The following PPFIBP1 variants were observed in gnomAD, a reference collection of about 807,000 sequenced individuals.
PPFIBP1 encodes PPFIB scaffold protein 1.
PPFIBP1 carries 112 observed loss-of-function variants against 137.8 expected under a neutral mutation model. The ratio of observed to expected loss-of-function variants is 0.81; its 90% CI spans 0.70 to 0.95. The LOEUF is 0.95. PPFIBP1 is among the 40% of genes least tolerant of loss of function. PPFIBP1 has a pLI of 0.00. For synonymous variants in PPFIBP1, 378 were observed against 417.3 expected, an observed-to-expected ratio of 0.91 and a Z score of 1.15; for missense variants, 1,083 against 1,196.6, an observed-to-expected ratio of 0.91 and a Z score of 1.40.
chr12:27,692,710 A>G, intron 29 of PPFIBP1, 54 bp downstream of exon 29: 1 of 1,613,880 alleles, frequency 6.2e-7, no homozygotes, highest in Non-Finnish European at 8.5e-7. Flanking sequence ...TTTTATAACA[A>G]CCCCAAAGGA....
intron 25 of PPFIBP1, 165 bp from the exon 26 acceptor site, chr12:27,688,133 A>G (rs1440485781): frequency 5.0e-6 from 4 of 795,656 alleles, no homozygotes; most frequent in East Asian, 2.5e-5. Context: ...TTATTAGTAT[A>G]TAAGAAAGCT....
At chr12:27,672,806 C>T (rs2060281761) in intron 15 of PPFIBP1, among the ~76,000 whole-genome samples, 1 of 152,026 alleles carries the variant, frequency 6.6e-6, no homozygotes, top group Admixed American at 6.6e-5. Context: ...ATTTTGAGTC[C>T]AGTGGGAAGG....
At chr12:27,564,267 T>C (rs1592498342) in intron 1 of PPFIBP1, among the ~76,000 whole-genome samples, 1 of 152,218 alleles carries the variant, frequency 6.6e-6, no homozygotes, top group Non-Finnish European at 1.5e-5. Context: ...TGAGATAATA[T>C]ATACAGTCCT....
chr12:27,647,802 A>G lies in PPFIBP1; in HGVS notation c.431A>G (p.His144Arg), dbSNP rs755992843. 1.6e-5 allele frequency: 26 copies of G among 1,612,206 alleles called. No homozygotes were observed. ...IRDLEFCLEE[H>R]REKVNATEEM... ...GATTTGGAGTTTTGTCTTGAAGAGC[A>G]CAGAGAGAAGGTGAATGCCACAGAA... is the stretch of plus-strand genomic sequence containing the variant. Residue 144 changes from histidine (H) to arginine (R), a missense_variant, in exon 6 of 30, where the codon CAC (histidine) becomes CGC (arginine). Physicochemically the swap from His to Arg is conservative, Grantham distance 29. Coordinates refer to ENST00000228425, the MANE Select transcript of PPFIBP1 (RefSeq NM_003622.4).
intron 2 of PPFIBP1, among the ~76,000 whole-genome samples, chr12:27,611,449 G>A (rs1417294606): frequency 6.6e-6 from 1 of 151,814 alleles, no homozygotes; most frequent in African/African-American, 2.4e-5. Context: ...CTGGAATTAG[G>A]GCCCATCCGA....
intron 5 of PPFIBP1, among the ~76,000 whole-genome samples, chr12:27,646,711 G>GCT (rs1217407117): frequency 1.3e-5 from 2 of 152,084 alleles, no homozygotes; most frequent in Non-Finnish European, 2.9e-5. Flanking sequence ...AAACAAAACA[G>GCT]TGACTAGAAC....
intron 4 of PPFIBP1, among the ~76,000 whole-genome samples, chr12:27,638,641 G>A (rs1238754381): frequency 6.6e-6 from 1 of 152,196 alleles, no homozygotes; most frequent in African/African-American, 2.4e-5. Context: ...AGAGCATAGA[G>A]AGTAGAGGGA....
intron 2 of PPFIBP1, among the ~76,000 whole-genome samples, chr12:27,599,046 G>A (rs138337853): frequency 8.1e-4 from 123 of 152,316 alleles, no homozygotes; most frequent in Non-Finnish European, 1.5e-3. Context: ...CATTTGACTT[G>A]ATGGGATTTG....
intron 1 of PPFIBP1, among the ~76,000 whole-genome samples, chr12:27,576,749 A>T (rs1447167221): frequency 6.6e-6 from 1 of 152,110 alleles, no homozygotes; most frequent in African/African-American, 2.4e-5. Flanking sequence ...GGTAACATTG[A>T]TTGTTTCAGC....
At chr12:27,608,127 A>G (rs964272863) in intron 2 of PPFIBP1, among the ~76,000 whole-genome samples, 1 of 152,252 alleles carries the variant, frequency 6.6e-6, no homozygotes, top group African/African-American at 2.4e-5. Context: ...AAGTACTAGT[A>G]TCTTCAAATG....
At chr12:27,590,470 G>A (rs73078301) in intron 2 of PPFIBP1, among the ~76,000 whole-genome samples, 419 of 152,196 alleles carry the variant, frequency 2.8e-3, no homozygotes, top group Middle Eastern at 0.02. Context: ...GCCACTGCGC[G>A]CAGCCCACTG....
chr12:27,640,437 T>A (rs1421205509), intron 4 of PPFIBP1, among the ~76,000 whole-genome samples: 1 of 152,224 alleles, frequency 6.6e-6, no homozygotes. Flanking sequence ...CGATATTGAA[T>A]GAATGAAGTT....
At chr12:27,659,359 G>A (rs2059402841) in intron 10 of PPFIBP1, among the ~76,000 whole-genome samples, 2 of 152,108 alleles carry the variant, frequency 1.3e-5, no homozygotes, top group Admixed American at 1.3e-4. Context: ...CAACATTAAG[G>A]TAAATCCTGC....
At chr12:27,566,785 AC>A (rs2049717450) in intron 1 of PPFIBP1, among the ~76,000 whole-genome samples, 2 of 152,180 alleles carry the variant, frequency 1.3e-5, no homozygotes, top group South Asian at 4.1e-4. Flanking sequence ...TTAAGGCCAC[AC>A]GGTCAGCAAG....
intron 6 of PPFIBP1, 67 bp downstream of exon 6, chr12:27,647,909 T>C (rs777262625): frequency 6.6e-7 from 1 of 1,521,246 alleles, no homozygotes; most frequent in Non-Finnish European, 8.8e-7. Context: ...TGCATTTCTA[T>C]GTTGTGTTTG....
chr12:27,613,110 T>G (rs1257419509), intron 2 of PPFIBP1, among the ~76,000 whole-genome samples: 2 of 152,196 alleles, frequency 1.3e-5, no homozygotes, highest in Non-Finnish European at 2.9e-5. Flanking sequence ...ATCTGAATAA[T>G]TTCAGTGCCA....
rs1354343363 is a variant in PPFIBP1 at position 27,677,236 on chromosome 12, C to T, written c.1615+140C>T. The T allele has an allele frequency of 3.8e-6, 4 of 1,060,982 alleles. No homozygotes were observed. The African/African-American group carries it at 6.3e-5, about 17-fold the overall frequency. 65.7% of individuals were successfully genotyped at this position (1,060,982 alleles called of 1,614,324 possible). On this transcript the variant is annotated intron_variant, in intron 19 of 29. Transcript: ENST00000228425. ...GTTCTCTATTCCGGAGTGTTCTTTC[C>T]ACCTTCTGCTAAAAAGGACTCTGTA...
rs1307191693 is a variant in PPFIBP1 at position 27,654,718 on chromosome 12, A to G, written c.604-4A>G. 1 of 1,610,112 alleles carries G rather than the reference A, an allele frequency of 6.2e-7. No individual in the cohort carries two copies. Among genetic ancestry groups the G allele is most frequent in the East Asian group, 2.2e-5 (1 of 44,720 alleles). ...AATGTACTTTCTTGTTTCTTCTTGG[A>G]CAGGGGCTGATTCAGGAGATCAATG... is the stretch of plus-strand genomic sequence containing the variant. On this transcript the variant is annotated splice_region_variant and splice_polypyrimidine_tract_variant and intron_variant, in intron 7 of 29. Transcript: ENST00000228425.
chr12:27,604,826 G>T lies in PPFIBP1; in HGVS notation c.-36+26587G>T, dbSNP rs531827925. Among the ~76,000 whole-genome samples, 4 of 152,290 alleles carry T rather than the reference G, an allele frequency of 2.6e-5. No individual in the cohort carries two copies. In the South Asian group the frequency reaches 8.3e-4, roughly 32 times the overall value. On this transcript the variant is annotated intron_variant, in intron 2 of 29. Transcript: ENST00000228425. ...TTTACAAAAGGAATAGGCTTAATGG[G>T]ACTTAACAGTTCCATGTGGCTGGGG...
Sources: allele counts gnomAD v4.1 joint callset (sites outside exome capture counted in the v4.1 genomes callset), GRCh38; gene constraint gnomAD v4.1.1; transcripts MANE v1.5; gene names NCBI Gene and HGNC (gene_info 2026-07-23, HGNC 2026-07-21).